The following NSUN7 variants were observed in gnomAD, a reference collection of about 807,000 sequenced individuals.
The protein encoded by NSUN7 is NOP2/Sun RNA methyltransferase family member 7.
Under a neutral mutation model 58.5 loss-of-function variants are expected in NSUN7, and 39 were observed. The observed-to-expected ratio is 0.67, with a 90% CI of 0.52 to 0.87. NSUN7 has a LOEUF of 0.87. Ranked by LOEUF, NSUN7 falls within the 40% of genes least tolerant of loss-of-function variation. The pLI is 0.00. For synonymous variants in NSUN7, 278 were observed against 303.7 expected, an observed-to-expected ratio of 0.92 and a Z score of 0.88; for missense variants, 765 against 844.1, an observed-to-expected ratio of 0.91 and a Z score of 1.16.
At chr4:40,798,187 T>C (rs1193928785) in intron 9 of NSUN7, among the ~76,000 whole-genome samples, 1 of 152,246 alleles carries the variant, frequency 6.6e-6, no homozygotes, top group Non-Finnish European at 1.5e-5. Flanking sequence ...TCTTACTGTC[T>C]TTCTCCTCTA....
rs527928463 is a variant in NSUN7, at chr4:40,792,613, A to C, written c.1181-1762A>C. 3.3e-3 allele frequency among the ~76,000 whole-genome samples: 502 copies of C among 152,122 alleles called. 3 individuals are homozygous for C. The highest frequency in any genetic ancestry group is 0.012 in the African/African-American group (479 of 41,504). ...AAAAATACAAAAAATTAGCCGGGCG[A>C]GGTGGCGGGCGCCTGTAGTCCCAGC... On this transcript the variant is annotated intron_variant, in intron 8 of 11. Transcript: ENST00000381782.
At chr4:40,791,074 T>C (rs963289813) in intron 8 of NSUN7, among the ~76,000 whole-genome samples, 12 of 152,200 alleles carry the variant, frequency 7.9e-5, no homozygotes, top group African/African-American at 2.7e-4. Context: ...ATGAAAATAC[T>C]GAGACTCAAA....
At chr4:40,751,895 T>C (rs553593471) in intron 2 of NSUN7, among the ~76,000 whole-genome samples, 168 of 152,184 alleles carry the variant, frequency 1.1e-3, no homozygotes, top group African/African-American at 4.0e-3. Flanking sequence ...ACTTGGGAGA[T>C]TGAGGCGGGA....
At chr4:40,776,567 ATACT>A (rs933385104) in intron 7 of NSUN7, 8 of 210,852 alleles carry the variant, frequency 3.8e-5, no homozygotes, top group Admixed American at 2.7e-4. Context: ...CATTTAATAA[ATACT>A]TAAATAAGTG....
chr4:40,770,042 C>T (rs755525803), intron 4 of NSUN7, among the ~76,000 whole-genome samples: 1 of 151,870 alleles, frequency 6.6e-6, no homozygotes, highest in Non-Finnish European at 1.5e-5. Flanking sequence ...GAAGCCCCAT[C>T]TCTACTAAAA....
intron 4 of NSUN7, among the ~76,000 whole-genome samples, chr4:40,768,626 T>A (rs534522620): frequency 6.6e-6 from 1 of 152,218 alleles, no homozygotes; most frequent in African/African-American, 2.4e-5. Context: ...TTTTCACTCT[T>A]ATACCCCTAA....
At chr4:40,805,736 C>T (rs1202702135) in intron 10 of NSUN7, among the ~76,000 whole-genome samples, 3 of 152,132 alleles carry the variant, frequency 2.0e-5, no homozygotes, top group Admixed American at 1.3e-4. Flanking sequence ...TTGGATTCCT[C>T]CTGGGGCCTG....
chr4:40,770,080 C>G (rs938149323), intron 4 of NSUN7, among the ~76,000 whole-genome samples: 1 of 152,002 alleles, frequency 6.6e-6, no homozygotes, highest in Non-Finnish European at 1.5e-5. Flanking sequence ...CGTGGTGGTG[C>G]ATGCCTGTAA....
chr4:40,768,152 G>A (rs941749434), intron 4 of NSUN7, among the ~76,000 whole-genome samples: 1 of 151,698 alleles, frequency 6.6e-6, no homozygotes, highest in African/African-American at 2.4e-5. Flanking sequence ...TAAGCTCAAA[G>A]TATACCTTAG....
At chr4:40,790,829 A>C (rs559239863) in intron 8 of NSUN7, 84 bp downstream of exon 8, 16 of 1,032,198 alleles carry the variant, frequency 1.6e-5, no homozygotes, top group Non-Finnish European at 2.2e-5. Flanking sequence ...ATAGCATATC[A>C]AATACATCTG....
chr4:40,792,424 C>T (rs1282145788), intron 8 of NSUN7, among the ~76,000 whole-genome samples: 1 of 152,064 alleles, frequency 6.6e-6, no homozygotes, highest in Non-Finnish European at 1.5e-5. Flanking sequence ...GTTTTGAAAG[C>T]CTTGATGAGG....
intron 4 of NSUN7, among the ~76,000 whole-genome samples, chr4:40,766,372 G>A (rs1741726500): frequency 6.6e-6 from 1 of 151,682 alleles, no homozygotes; most frequent in Non-Finnish European, 1.5e-5. Flanking sequence ...CTGTTTATAT[G>A]CTGGATTACA....
intron 7 of NSUN7, among the ~76,000 whole-genome samples, chr4:40,783,738 C>T (rs1742682496): frequency 6.6e-6 from 1 of 151,992 alleles, no homozygotes. Flanking sequence ...ATCCCAGCTA[C>T]TCAGGAGGCT....
chr4:40,774,443 T>C lies in NSUN7; in HGVS notation c.641+26T>C, dbSNP rs767161605. The stretch of plus-strand genomic sequence containing the variant: ...GTAAGTGTTTAAATCAAATTCTTTA[T>C]ATTTCAAGTCTCCATCCTTTTAAAA... On this transcript the variant is annotated intron_variant, in intron 5 of 11. Coordinates refer to ENST00000381782, the MANE Select transcript of NSUN7 (RefSeq NM_024677.6). The C allele has an allele frequency of 2.5e-6, 4 of 1,598,336 alleles. No homozygotes were observed. The East Asian group carries it at 6.7e-5, about 27-fold the overall frequency.
chr4:40,760,883 A>G (rs1239165532), intron 3 of NSUN7, among the ~76,000 whole-genome samples: 5 of 150,328 alleles, frequency 3.3e-5, no homozygotes, highest in African/African-American at 1.2e-4. Flanking sequence ...AAAAAAAAAG[A>G]TTTAAATAGT....
rs544555264 is a variant in NSUN7, at chr4:40,759,789, C to T, written c.299-645C>T. ...GGTATGGTGGCTCATGCTTGTAATCCCAGCACTTTGGGAGGCCTAGGCGGG... is the reference window on the plus strand; with the variant it reads ...GGTATGGTGGCTCATGCTTGTAATCTCAGCACTTTGGGAGGCCTAGGCGGG... On this transcript the variant is annotated intron_variant, in intron 2 of 11. Coordinates refer to ENST00000381782, the MANE Select transcript of NSUN7 (RefSeq NM_024677.6). Among the ~76,000 whole-genome samples, 5 of 152,262 alleles carry T rather than the reference C, an allele frequency of 3.3e-5. No homozygotes were observed. The East Asian group carries it at 9.6e-4, about 29-fold the overall frequency.
Position 40,809,060 on chromosome 4 carries a change from C to CTAAG in NSUN7, c.*123_*126dup, listed in dbSNP as rs576083493. On this transcript the variant is annotated 3_prime_UTR_variant, in exon 12 of 12. Coordinates refer to ENST00000381782, the MANE Select transcript of NSUN7 (RefSeq NM_024677.6). ...ATTCTTTTGGTCACCTAGGGATCTT[C>CTAAG]TAAGTGTGATATTACTTTCAGAGAA... 6 of 1,028,032 alleles carry CTAAG rather than the reference C, an allele frequency of 5.8e-6. No homozygotes were observed. In the South Asian group the frequency reaches 9.6e-5, roughly 17 times the overall value. 63.7% of individuals were successfully genotyped at this position (1,028,032 alleles called of 1,614,324 possible).
At chr4:40,768,280 C>A (rs746345332) in intron 4 of NSUN7, among the ~76,000 whole-genome samples, 18 of 150,954 alleles carry the variant, frequency 1.2e-4, no homozygotes, top group Non-Finnish European at 2.2e-4. Context: ...CGGCTCACTG[C>A]AACCTCCACC....
chr4:40,787,716 ATGT>A (rs1027783994), intron 7 of NSUN7, among the ~76,000 whole-genome samples: 4 of 152,252 alleles, frequency 2.6e-5, no homozygotes, highest in Non-Finnish European at 4.4e-5. Context: ...TTCCTATATG[ATGT>A]TGTCACAGAA....
Sources: gnomAD v4.1 joint callset for allele counts (sites outside exome capture counted in the v4.1 genomes callset) on GRCh38, gnomAD v4.1.1 for gene constraint, MANE v1.5 for transcripts, NCBI Gene and HGNC (gene_info 2026-07-23, HGNC 2026-07-21) for gene names.